LIN9: variants seen among roughly 807,000 people sequenced by gnomAD.
LIN9 encodes lin-9 DREAM MuvB core complex component.
Under a neutral mutation model 78.0 loss-of-function variants are expected in LIN9, and 18 were observed. That is an observed-to-expected ratio of 0.23 (90% confidence interval 0.16 to 0.34). LIN9 has a LOEUF of 0.34. Ranked by LOEUF, LIN9 falls within the 10% of genes least tolerant of loss-of-function variation. The probability of loss-of-function intolerance (pLI) is 1.00; values close to 1 mark genes in which losing one functional copy is unlikely to be tolerated. For synonymous variants in LIN9, 192 were observed against 215.2 expected, an observed-to-expected ratio of 0.89 and a Z score of 0.94; for missense variants, 451 against 644.1, an observed-to-expected ratio of 0.70 and a Z score of 3.25.
chr1:226,278,957 T>TC (rs796846599), intron 6 of LIN9, among the ~76,000 whole-genome samples: 1 of 115,696 alleles, frequency 8.6e-6, no homozygotes, highest in Non-Finnish European at 1.8e-5. Flanking sequence ...CCGTCTCTAC[T>TC]AAAAAAAAAA....
rs1352972980 is a variant in LIN9, at chr1:226,233,269, GAATT to G, written c.1425+71_1425+74del. 4 of 1,512,262 alleles carry G rather than the reference GAATT, an allele frequency of 2.6e-6. No individual in the cohort carries two copies. The African/African-American group carries it at 5.6e-5, about 21-fold the overall frequency. The allele number at this position is 1,512,262 out of a possible 1,614,324, so 93.7% of individuals were successfully genotyped here. A position where few individuals can be genotyped will look rare whatever the true frequency, so the allele number is the denominator to read the frequency against. On this transcript the variant is annotated intron_variant, in intron 13 of 14. Transcript: ENST00000681046. ...TCATAAAATACCTGATATAATCAAT[GAATT>G]AATTTCTTAGCAACAAATTAGCGTG...
At chr1:226,287,030 T>C (rs1468546243) in intron 5 of LIN9, among the ~76,000 whole-genome samples, 1 of 152,150 alleles carries the variant, frequency 6.6e-6, no homozygotes, top group Non-Finnish European at 1.5e-5. Flanking sequence ...TGAACATTCA[T>C]GAGATTCACA....
chr1:226,245,434 C>A (rs1348466904), intron 11 of LIN9, among the ~76,000 whole-genome samples: 6 of 151,692 alleles, frequency 4.0e-5, no homozygotes, highest in African/African-American at 1.2e-4. Flanking sequence ...TTTTTCCCCC[C>A]CCCCAAGAAA....
intron 6 of LIN9, among the ~76,000 whole-genome samples, chr1:226,278,724 T>C (rs1660827239): frequency 1.3e-5 from 2 of 151,324 alleles, no homozygotes; most frequent in South Asian, 4.2e-4. Context: ...CTCAGGAGGC[T>C]GAGGCAGGGG....
intron 7 of LIN9, among the ~76,000 whole-genome samples, chr1:226,273,571 C>A (rs1660442611): frequency 6.6e-6 from 1 of 151,888 alleles, no homozygotes. Context: ...AAATCAAATT[C>A]TCTTTTGACT....
intron 1 of LIN9, among the ~76,000 whole-genome samples, chr1:226,305,825 GA>G (rs1294167992): frequency 6.6e-6 from 1 of 152,150 alleles, no homozygotes; most frequent in African/African-American, 2.4e-5. Context: ...GTAACAGGAG[GA>G]TGACATACAT....
Position 226,243,682 on chromosome 1 carries a change from C to T in LIN9, c.1120-4586G>A, listed in dbSNP as rs150274085. On this transcript the variant is annotated intron_variant, in intron 11 of 14. Coordinates refer to ENST00000681046, the MANE Select transcript of LIN9 (RefSeq NM_001366245.2). ...CTGCACTCCAGCCTGGGCAACAGAG[C>T]GAGACTCCGTCTCAAAAAAAAAAAA... is the stretch of plus-strand genomic sequence containing the variant. Among the ~76,000 whole-genome samples, 476 of 117,506 alleles carry T rather than the reference C, an allele frequency of 4.1e-3. 1 individual carries two copies. The highest frequency in any genetic ancestry group is 0.015 in the African/African-American group (436 of 29,354). The allele number at this position is 117,506 out of a possible 152,430, so 77.1% of individuals were successfully genotyped here.
intron 1 of LIN9, among the ~76,000 whole-genome samples, chr1:226,304,667 G>C (rs1362563240): frequency 6.6e-6 from 1 of 152,140 alleles, no homozygotes; most frequent in South Asian, 2.1e-4. Flanking sequence ...TCAAAGCAAT[G>C]AGTCTGGGCA....
chr1:226,309,290 G>A (rs1349881139), upstream of LIN9: 8 of 1,073,996 alleles, frequency 7.4e-6, no homozygotes, highest in Non-Finnish European at 9.1e-6. Flanking sequence ...AGGCGGGCCC[G>A]GCTCCGCCCG....
chr1:226,283,278 A>ATTTTTTTTTT (rs71574569), intron 6 of LIN9, among the ~76,000 whole-genome samples: 1 of 84,212 alleles, frequency 1.2e-5, no homozygotes, highest in Non-Finnish European at 2.2e-5. Flanking sequence ...TAATTTTTGA[A>ATTTTTTTTTT]TTTTTTTTTT....
chr1:226,281,959 T>C (rs922775973), intron 6 of LIN9, among the ~76,000 whole-genome samples: 3 of 152,200 alleles, frequency 2.0e-5, no homozygotes, highest in African/African-American at 7.2e-5. Flanking sequence ...CCCAAAGTGC[T>C]GGGATTATAG....
intron 13 of LIN9, 74 bp from the exon 14 acceptor site, chr1:226,233,267 A>T: frequency 6.6e-7 from 1 of 1,521,462 alleles, no homozygotes; most frequent in South Asian, 1.2e-5. Flanking sequence ...GATATAATCA[A>T]TGAATTAATT....
chr1:226,273,254 T>TA (rs1317908050), intron 7 of LIN9, among the ~76,000 whole-genome samples: 1 of 135,038 alleles, frequency 7.4e-6, no homozygotes, highest in Non-Finnish European at 1.6e-5. Flanking sequence ...TTTAATTAGG[T>TA]AATTTTTTTT....
chr1:226,241,075 G>A (rs912010542), intron 11 of LIN9, among the ~76,000 whole-genome samples: 2 of 152,168 alleles, frequency 1.3e-5, no homozygotes, highest in East Asian at 3.9e-4. Context: ...GCCACAGTGG[G>A]AGTAGGGAAG....
Position 226,309,157 on chromosome 1 carries a change from G to A in LIN9, c.-18C>T. On this transcript the variant is annotated 5_prime_UTR_variant, in exon 1 of 15. Transcript: ENST00000681046. ...TCCGCCATCTTGAACGAGCCGCGCC[G>A]CTTTTTCAAAGGCTGCCCGCCGCGG... 2 of 1,385,186 alleles carry A rather than the reference G, an allele frequency of 1.4e-6. No homozygotes were observed. Among genetic ancestry groups the A allele is most frequent in the Non-Finnish European group, 1.9e-6 (2 of 1,056,414 alleles). 85.8% of individuals were successfully genotyped at this position (1,385,186 alleles called of 1,614,324 possible). A position where few individuals can be genotyped will look rare whatever the true frequency, so the allele number is the denominator to read the frequency against.
chr1:226,239,174 T>G, intron 11 of LIN9, 78 bp from the exon 12 acceptor site: 1 of 1,476,738 alleles, frequency 6.8e-7, no homozygotes. Flanking sequence ...AAAGGAGATT[T>G]GACTTATCTA....
rs149174065 is a variant in LIN9, at chr1:226,231,234, A to T, written c.*1267T>A. The T allele has an allele frequency of 5.9e-5, 9 of 152,762 alleles. No individual in the cohort carries two copies. The East Asian group carries it at 1.2e-3, about 20-fold the overall frequency. The allele number at this position is 152,762 out of a possible 1,614,324, so 9.5% of individuals were successfully genotyped here. A position where few individuals can be genotyped will look rare whatever the true frequency, so the allele number is the denominator to read the frequency against. On this transcript the variant is annotated 3_prime_UTR_variant, in exon 15 of 15. Transcript: ENST00000681046. ...TTATGCATTTCTTAATTAACATAACAGTTTAGCTAAATATAAACTCTGCAC... is the reference window on the plus strand; with the variant it reads ...TTATGCATTTCTTAATTAACATAACTGTTTAGCTAAATATAAACTCTGCAC...
At position 226,287,806 on chromosome 1, in the gene LIN9, TAA is replaced by T. The variant is rs759424701; in HGVS notation, c.265-11_265-10del. 7.2e-6 allele frequency: 11 copies of T among 1,524,172 alleles called. No individual in the cohort carries two copies. The highest frequency in any genetic ancestry group is 1.9e-4 in the Middle Eastern group (1 of 5,372). The allele number at this position is 1,524,172 out of a possible 1,614,324, so 94.4% of individuals were successfully genotyped here. A position where few individuals can be genotyped will look rare whatever the true frequency, so the allele number is the denominator to read the frequency against. The stretch of plus-strand genomic sequence containing the variant: ...ATTGTTGCTGTAAATTTCTATACAA[TAA>T]AAAAAAGAGATTAATTTATGGCTCC... On this transcript the variant is annotated splice_polypyrimidine_tract_variant and intron_variant, in intron 4 of 14. Coordinates refer to ENST00000681046, the MANE Select transcript of LIN9 (RefSeq NM_001366245.2).
rs754074436 is a variant in LIN9 at position 226,268,081 on chromosome 1, C to G, written c.692G>C (p.Arg231Pro). 1 of 1,613,258 alleles carries G rather than the reference C, an allele frequency of 6.2e-7. No homozygotes were observed. The highest frequency in any genetic ancestry group is 1.3e-5 in the African/African-American group (1 of 74,978). The change falls in exon 8 of 15, where the codon CGT (arginine) becomes CCT (proline). Residue 231 changes from arginine to proline, a missense_variant. Coordinates refer to ENST00000681046, the MANE Select transcript of LIN9 (RefSeq NM_001366245.2). ...AGTGAACAAACCATCATGAACACCA[C>G]GTAATCGTGCTGAGAAAAGAACAAA... Reference protein sequence around the residue: ...VIGTKVTARLRGVHDGLFTGQ... With the variant: ...VIGTKVTARLPGVHDGLFTGQ...
Sources: gnomAD v4.1 joint callset for allele counts (sites outside exome capture counted in the v4.1 genomes callset) on GRCh38, gnomAD v4.1.1 for gene constraint, MANE v1.5 for transcripts, NCBI Gene and HGNC (gene_info 2026-07-23, HGNC 2026-07-21) for gene names.